SLC28A1: variants seen among roughly 807,000 people sequenced by gnomAD.
SLC28A1 encodes the protein sodium/nucleoside cotransporter 1.
A neutral mutation model predicts 74.8 loss-of-function variants in SLC28A1; 64 were observed. The ratio of observed to expected loss-of-function variants is 0.86; its 90% CI spans 0.70 to 1.05. SLC28A1 has a LOEUF of 1.05. Ranked by LOEUF, SLC28A1 falls within the 50% of genes least tolerant of loss-of-function variation. SLC28A1 has a pLI of 0.00. For synonymous variants in SLC28A1, 359 were observed against 335.0 expected, an observed-to-expected ratio of 1.07 and a Z score of -0.78; for missense variants, 828 against 822.8, an observed-to-expected ratio of 1.01 and a Z score of -0.08.
At chr15:84,899,100 G>C (rs904019622) in intron 6 of SLC28A1, among the ~76,000 whole-genome samples, 2 of 152,046 alleles carry the variant, frequency 1.3e-5, no homozygotes, top group Non-Finnish European at 2.9e-5. Context: ...GCCAGGAATA[G>C]TGTCTATTCC....
At chr15:84,946,045 C>CAT (rs1265576019), downstream of SLC28A1, among the ~76,000 whole-genome samples, 1 of 119,460 alleles carries the variant, frequency 8.4e-6, no homozygotes, top group Non-Finnish European at 1.7e-5. Flanking sequence ...TAAATACACA[C>CAT]ATATATATAC....
At chr15:84,906,522 TTG>T (rs1967156237) in intron 8 of SLC28A1, among the ~76,000 whole-genome samples, 1 of 1,880 alleles carries the variant, frequency 5.3e-4, no homozygotes, top group Non-Finnish European at 1.9e-3. Context: ...GTTTGTTTGT[TTG>T]TTTGTTTCTT....
chr15:84,967,312 A>G, the SLC28A1 span, among the ~76,000 whole-genome samples: 3 of 152,152 alleles, frequency 2.0e-5, no homozygotes, highest in South Asian at 4.1e-4. Flanking sequence ...AGTGGCTGAC[A>G]TTATGGTAAA....
chr15:84,945,328 C>G lies in SLC28A1; in HGVS notation c.*128C>G. 1.2e-6 allele frequency: 1 copy of G among 835,754 alleles called. No homozygotes were observed. The highest frequency in any genetic ancestry group is 2.0e-6 in the Non-Finnish European group (1 of 491,946). 51.8% of individuals were successfully genotyped at this position (835,754 alleles called of 1,614,324 possible). Reference sequence around the variant, plus strand: ...AGGACTTAGACCCAGCTCAATCCCACAATTGGGAAGGGTTCATGGAGTGAG... The same window carrying G: ...AGGACTTAGACCCAGCTCAATCCCAGAATTGGGAAGGGTTCATGGAGTGAG... On this transcript the variant is annotated 3_prime_UTR_variant, in exon 19 of 19. Transcript: ENST00000394573.
At chr15:84,958,243 A>G in the SLC28A1 span, among the ~76,000 whole-genome samples, 1 of 152,158 alleles carries the variant, frequency 6.6e-6, no homozygotes, top group African/African-American at 2.4e-5. Context: ...TTTTCCCGAG[A>G]TGTTCCTTCT....
chr15:84,967,413 T>C, the SLC28A1 span, among the ~76,000 whole-genome samples: 1 of 152,186 alleles, frequency 6.6e-6, no homozygotes, highest in African/African-American at 2.4e-5. Context: ...TAAAAAACAA[T>C]TTGAAAGCCA....
intron 12 of SLC28A1, among the ~76,000 whole-genome samples, chr15:84,924,909 T>G (rs76645585): frequency 3.2e-5 from 1 of 31,466 alleles, no homozygotes; most frequent in African/African-American, 2.1e-4. Context: ...TTTTTTTGTT[T>G]GTTTGTTTTT....
the SLC28A1 span, among the ~76,000 whole-genome samples, chr15:84,965,671 A>G: frequency 6.6e-6 from 1 of 152,194 alleles, no homozygotes; most frequent in Non-Finnish European, 1.5e-5. Flanking sequence ...TTCTAGGATG[A>G]CCAACTTGTC....
intron 9 of SLC28A1, among the ~76,000 whole-genome samples, chr15:84,910,407 A>AG (rs1567146664): frequency 6.6e-6 from 1 of 152,174 alleles, no homozygotes; most frequent in African/African-American, 2.4e-5. Context: ...CCAGGCAGGG[A>AG]GGCTCCCGCA....
At chr15:84,946,113 T>TATATATATATATATA (rs1555458478), downstream of SLC28A1, among the ~76,000 whole-genome samples, 5 of 15,494 alleles carry the variant, frequency 3.2e-4, no homozygotes, top group East Asian at 5.7e-3. Flanking sequence ...TATATATATA[T>TATATATATATATATA]TTTTTTTTTT....
In SLC28A1 at chr15:84,935,497, C is replaced by A. The variant is rs758297233; in HGVS notation, c.1560C>A (p.Gly520=). ...TGGCAGGGGCCGAGGAGTGGGTCGG[C>A]GACAGGAAGCAGTGGATCTCCGTGA... ...RRLAGAEEWV[G]DRKQWISVRA... Residue 520 remains glycine (G), a synonymous_variant, in exon 15 of 19, where the codon GGC becomes GGA. Coordinates refer to ENST00000394573, the MANE Select transcript of SLC28A1 (RefSeq NM_004213.5). 1 of 1,613,644 alleles carries A rather than the reference C, an allele frequency of 6.2e-7. No homozygotes were observed. Among genetic ancestry groups the A allele is most frequent in the Non-Finnish European group, 8.5e-7 (1 of 1,179,936 alleles).
downstream of SLC28A1, among the ~76,000 whole-genome samples, chr15:84,946,085 C>CATATATATATATAT (rs1352839442): frequency 1.5e-3 from 36 of 23,958 alleles, no homozygotes; most frequent in Non-Finnish European, 2.7e-3. Context: ...TGTGTATGTT[C>CATATATATATATAT]ATATATATAT....
chr15:84,916,499 C>T (rs113828312), intron 9 of SLC28A1, among the ~76,000 whole-genome samples: 3 of 152,182 alleles, frequency 2.0e-5, no homozygotes, highest in Admixed American at 1.3e-4. Context: ...CCTCCTGCCT[C>T]GGCCTCCCAA....
chr15:84,960,915 C>T, the SLC28A1 span, among the ~76,000 whole-genome samples: 1 of 152,238 alleles, frequency 6.6e-6, no homozygotes, highest in East Asian at 1.9e-4. Flanking sequence ...CAGGTGCTCT[C>T]AATTCAGCAT....
At chr15:84,970,171 A>G in the SLC28A1 span, among the ~76,000 whole-genome samples, 49 of 152,176 alleles carry the variant, frequency 3.2e-4, no homozygotes, top group African/African-American at 1.2e-3. Flanking sequence ...AGCTTTGCTC[A>G]TGGATGGCTG....
At chr15:84,956,277 T>C in the SLC28A1 span, among the ~76,000 whole-genome samples, 2 of 152,318 alleles carry the variant, frequency 1.3e-5, no homozygotes, top group Non-Finnish European at 2.9e-5. Context: ...CATGGTAATA[T>C]ACAACTTTCA....
chr15:84,933,142 C>A lies in SLC28A1; in HGVS notation c.1084-3C>A, dbSNP rs776526272. ...CCTAGAACCTGCACTCTCACTCTTG[C>A]AGATCGATGCCACCTCGTTGATTGC... On this transcript the variant is annotated splice_polypyrimidine_tract_variant and splice_region_variant and intron_variant, in intron 12 of 18. Transcript: ENST00000394573. 15 of 1,612,818 alleles carry A rather than the reference C, an allele frequency of 9.3e-6. No homozygotes were observed. The highest frequency in any genetic ancestry group is 2.2e-5 in the East Asian group (1 of 44,816).
rs909231191 is a variant in SLC28A1 at position 84,889,951 on chromosome 15, T to C, written c.186-492T>C. On this transcript the variant is annotated intron_variant, in intron 4 of 18. Transcript: ENST00000394573. ...CCTGGGCTCAAGAGATTCTCCTGCC[T>C]CAGCTTCTTGAGCAGCTGGGATTAC... 4.4e-4 allele frequency among the ~76,000 whole-genome samples: 66 copies of C among 151,572 alleles called. 1 individual carries two copies. The highest frequency in any genetic ancestry group is 1.8e-4 in the Non-Finnish European group (12 of 67,900).
chr15:84,925,081 T>G lies in SLC28A1; in HGVS notation c.1083+971T>G, dbSNP rs1014706788. ...GCGCCCAGCTAGTTTTTTTTTTTTT[T>G]TTTTTTTTTTTGTATTTTTAGTAGA... On this transcript the variant is annotated intron_variant, in intron 12 of 18. Transcript: ENST00000394573. 2.4e-3 allele frequency among the ~76,000 whole-genome samples: 342 copies of G among 143,740 alleles called. 1 individual carries two copies. The highest frequency in any genetic ancestry group is 8.3e-3 in the African/African-American group (326 of 39,240). The allele number at this position is 143,740 out of a possible 152,430, so 94.3% of individuals were successfully genotyped here. A position where few individuals can be genotyped will look rare whatever the true frequency, so the allele number is the denominator to read the frequency against.
Sources: gnomAD v4.1 joint callset for allele counts (sites outside exome capture counted in the v4.1 genomes callset) on GRCh38, gnomAD v4.1.1 for gene constraint, MANE v1.5 for transcripts, NCBI Gene and HGNC (gene_info 2026-07-23, HGNC 2026-07-21) for gene names.